The following PTPRM variants were observed in gnomAD, a reference collection of about 807,000 sequenced individuals.
The protein encoded by PTPRM is receptor-type tyrosine-protein phosphatase mu.
In PTPRM, 47 loss-of-function variants were observed where a neutral mutation model predicts 186.7. The ratio of observed to expected loss-of-function variants is 0.25; its 90% CI spans 0.20 to 0.32. The LOEUF is 0.32. Among genes scored for constraint, PTPRM ranks in the 10% least tolerant of loss-of-function variants. The pLI, the probability that PTPRM is intolerant of heterozygous loss-of-function variation, is 1.00. For synonymous variants in PTPRM, 668 were observed against 674.9 expected (o/e 0.99, Z 0.16); for missense variants, 1,494 against 1,865.0 (o/e 0.80, Z 3.66).
intron 1 of PTPRM, among the ~76,000 whole-genome samples, chr18:7,629,041 T>C (rs780369925): frequency 6.6e-6 from 1 of 152,216 alleles, no homozygotes; most frequent in Non-Finnish European, 1.5e-5. Flanking sequence ...AGAAGTATCA[T>C]GGAACCACTT....
At chr18:8,002,624 G>A (rs976206090) in intron 7 of PTPRM, among the ~76,000 whole-genome samples, 4 of 152,192 alleles carry the variant, frequency 2.6e-5, no homozygotes, top group Non-Finnish European at 5.9e-5. Context: ...GCAAGCATCA[G>A]CATCCTGGAG....
At chr18:7,852,989 A>G (rs1297821706) in intron 2 of PTPRM, among the ~76,000 whole-genome samples, 1 of 152,244 alleles carries the variant, frequency 6.6e-6, no homozygotes, top group African/African-American at 2.4e-5. Context: ...CAAAAATAGG[A>G]AACTTTACAC....
chr18:8,394,347 A>C, intron 31 of PTPRM, 129 bp from the exon 32 acceptor site: 1 of 1,014,410 alleles, frequency 9.9e-7, no homozygotes, highest in South Asian at 2.1e-5. Context: ...CCCAGGTAAG[A>C]GGTCCCCCGG....
chr18:7,754,608 A>G (rs1598520736), intron 1 of PTPRM, among the ~76,000 whole-genome samples: 1 of 152,284 alleles, frequency 6.6e-6, no homozygotes, highest in African/African-American at 2.4e-5. Flanking sequence ...TGAGGTAACA[A>G]GTCCTTTGAT....
chr18:7,761,350 A>T (rs1352133704), intron 1 of PTPRM, among the ~76,000 whole-genome samples: 3 of 152,234 alleles, frequency 2.0e-5, no homozygotes, highest in Non-Finnish European at 4.4e-5. Context: ...TGAAATACAC[A>T]TAATATGTAA....
rs1201758433 is a variant in PTPRM, at chr18:8,253,321, G to A, written c.2661G>A (p.Gly887=). 2 of 1,598,194 alleles carry A rather than the reference G, an allele frequency of 1.3e-6. No individual in the cohort carries two copies. Among genetic ancestry groups the A allele is most frequent in the South Asian group, 1.1e-5 (1 of 88,270 alleles). ...CGGCCGACGTGCCCTATCAGACTGG[G>A]CAGCTCCACCCCGCCATCCGGGTGG... ...REPADVPYQT[G]QLHPAIRVAD... The change falls in exon 19 of 33, where the codon GGG becomes GGA. Residue 887 remains glycine, a synonymous_variant. Transcript: ENST00000580170.
intron 23 of PTPRM, among the ~76,000 whole-genome samples, chr18:8,362,500 AGTGACT>A (rs1309757780): frequency 2.0e-5 from 3 of 152,138 alleles, no homozygotes; most frequent in Admixed American, 2.0e-4. Context: ...GTCACAAAAT[AGTGACT>A]GCTTCCTGCT....
chr18:7,911,771 A>G (rs1405823565), intron 4 of PTPRM, among the ~76,000 whole-genome samples: 1 of 145,800 alleles, frequency 6.9e-6, no homozygotes, highest in Non-Finnish European at 1.5e-5. Context: ...ATACAAAACT[A>G]TTTGGAGTTG....
intron 7 of PTPRM, among the ~76,000 whole-genome samples, chr18:8,018,941 T>C (rs1227917456): frequency 2.0e-5 from 3 of 152,170 alleles, no homozygotes; most frequent in Non-Finnish European, 4.4e-5. Flanking sequence ...TTGCTGACAT[T>C]TGTGCTCACG....
chr18:7,921,094 G>C (rs940628097), intron 4 of PTPRM, among the ~76,000 whole-genome samples: 2 of 151,872 alleles, frequency 1.3e-5, no homozygotes, highest in African/African-American at 4.8e-5. Flanking sequence ...GAATCTGTTT[G>C]GTGTTCTCTG....
At chr18:8,225,705 T>C (rs115480962) in intron 14 of PTPRM, among the ~76,000 whole-genome samples, 2 of 152,148 alleles carry the variant, frequency 1.3e-5, no homozygotes, top group Non-Finnish European at 2.9e-5. Flanking sequence ...AGAAAGACCA[T>C]TGGTAAATAG....
chr18:8,337,913 T>A (rs617642), intron 22 of PTPRM, among the ~76,000 whole-genome samples: 1 of 152,302 alleles, frequency 6.6e-6, no homozygotes, highest in East Asian at 1.9e-4. Context: ...AGCGGAAAGC[T>A]GTGGGAGGAT....
At chr18:8,279,770 C>A (rs1265908194) in intron 19 of PTPRM, among the ~76,000 whole-genome samples, 1 of 152,144 alleles carries the variant, frequency 6.6e-6, no homozygotes, top group African/African-American at 2.4e-5. Context: ...TCTCAGCCTG[C>A]CGAGGGAGAG....
intron 8 of PTPRM, among the ~76,000 whole-genome samples, chr18:8,070,600 A>G (rs2089411438): frequency 6.6e-6 from 1 of 152,230 alleles, no homozygotes; most frequent in Admixed American, 6.5e-5. Context: ...TCAAAAAAGC[A>G]AATATACAGG....
chr18:7,822,013 A>G lies in PTPRM; in HGVS notation c.196+47742A>G, dbSNP rs756397014. Among the ~76,000 whole-genome samples the G allele has an allele frequency of 4.6e-5, 7 of 152,206 alleles. No individual in the cohort carries two copies. The South Asian group carries it at 6.2e-4, about 13-fold the overall frequency. ...AAAACAAAGCAGCAGATGAGGGAGG[A>G]CTACTATATTGCCACATTATAAATA... On this transcript the variant is annotated intron_variant, in intron 2 of 32. Coordinates refer to ENST00000580170, the MANE Select transcript of PTPRM (RefSeq NM_001105244.2).
intron 14 of PTPRM, among the ~76,000 whole-genome samples, chr18:8,241,498 G>A (rs926729156): frequency 4.6e-5 from 7 of 152,170 alleles, no homozygotes; most frequent in Admixed American, 4.6e-4. Context: ...TTTGGGCTGT[G>A]TAGTGATTTA....
chr18:7,703,252 A>C (rs1270390662), intron 1 of PTPRM, among the ~76,000 whole-genome samples: 8 of 152,158 alleles, frequency 5.3e-5, no homozygotes, highest in Admixed American at 5.2e-4. Flanking sequence ...TCTGTAAATT[A>C]CTTTGGGCAG....
chr18:7,974,395 CAG>C (rs955003921), intron 7 of PTPRM, among the ~76,000 whole-genome samples: 1 of 152,106 alleles, frequency 6.6e-6, no homozygotes, highest in African/African-American at 2.4e-5. Flanking sequence ...GCAAAGCTTA[CAG>C]AGATTCCCAG....
At chr18:8,112,068 G>T (rs6506549) in intron 11 of PTPRM, among the ~76,000 whole-genome samples, 1 of 152,074 alleles carries the variant, frequency 6.6e-6, no homozygotes, top group Non-Finnish European at 1.5e-5. Flanking sequence ...AGCATTTTAC[G>T]TGACTCAATC....
Sources: gnomAD v4.1 joint callset for allele counts (sites outside exome capture counted in the v4.1 genomes callset) on GRCh38, gnomAD v4.1.1 for gene constraint, MANE v1.5 for transcripts, NCBI Gene and HGNC (gene_info 2026-07-23, HGNC 2026-07-21) for gene names.